Variants in DOC2A observed in about 807,000 individuals in gnomAD.
DOC2A encodes double C2-like domain-containing protein alpha.
DOC2A carries 28 observed loss-of-function variants against 40.6 expected under a neutral mutation model. The ratio of observed to expected loss-of-function variants is 0.69; its 90% confidence interval spans 0.51 to 0.95. The LOEUF (loss-of-function observed/expected upper bound fraction) is 0.95, where lower values mean the gene tolerates loss of function less well. Ranked by LOEUF, DOC2A falls within the 40% of genes least tolerant of loss-of-function variation. DOC2A has a pLI of 0.00. For missense variants in DOC2A, 474 were observed against 552.5 expected, an observed-to-expected ratio of 0.86 and a Z score of 1.42; for synonymous variants, 241 against 236.9, an observed-to-expected ratio of 1.02 and a Z score of -0.16.
chr16:30,017,985 A>G (rs961116474), intron 1 of DOC2A, among the ~76,000 whole-genome samples: 1 of 143,992 alleles, frequency 6.9e-6, no homozygotes, highest in African/African-American at 2.6e-5. Context: ...AAAAGAAAGA[A>G]AAGAAAATTG....
At chr16:30,016,483 G>C (rs1179037393), upstream of DOC2A, among the ~76,000 whole-genome samples, 1 of 152,192 alleles carries the variant, frequency 6.6e-6, no homozygotes, top group East Asian at 1.9e-4. Flanking sequence ...TGACCTGGGC[G>C]CAGGGGGCCT....
At chr16:30,011,629 G>C (rs923382416), upstream of DOC2A, 1 of 155,194 alleles carries the variant, frequency 6.4e-6, no homozygotes, top group African/African-American at 2.4e-5. Context: ...GGGACCCACA[G>C]GTTGACAGGA....
chr16:30,010,890 C>T lies in DOC2A; in HGVS notation c.-14+13G>A, dbSNP rs1164217216. ...CCCTCACGCCCCCGGCCTGCCCAGC[C>T]CCCTGCACCTGCCTCTGCCTCCAAC... On this transcript the variant is annotated intron_variant, in intron 1 of 10. Coordinates refer to ENST00000350119, the MANE Select transcript of DOC2A (RefSeq NM_003586.3). The surrounding 1 kb of genome is among the most constrained non-coding windows in gnomAD (Gnocchi z 4.2). The T allele has an allele frequency of 2.0e-6, 2 of 1,020,234 alleles. No individual in the cohort carries two copies. The highest frequency in any genetic ancestry group is 3.3e-5 in the South Asian group (1 of 30,492). The allele number at this position is 1,020,234 out of a possible 1,614,324, so 63.2% of individuals were successfully genotyped here.
upstream of DOC2A, among the ~76,000 whole-genome samples, chr16:30,012,867 G>A (rs1168522682): frequency 2.0e-5 from 3 of 151,124 alleles, no homozygotes; most frequent in East Asian, 1.9e-4. Flanking sequence ...AATGCCGGGC[G>A]TGGTGGTATG....
intron 1 of DOC2A, chr16:30,018,975 G>C (rs2070885064): frequency 6.6e-6 from 1 of 152,236 alleles, no homozygotes; most frequent in Non-Finnish European, 1.5e-5. Flanking sequence ...TTGTGGACTT[G>C]ATCAAAGCAG....
At position 30,009,445 on chromosome 16, in the gene DOC2A, C is replaced by A; in HGVS notation, c.342+33G>T. ...CCCCCTCTGGGGGCTGCACGCAAAC[C>A]GGGCCCGGGCTTGGGTGGCAGGGAG... On this transcript the variant is annotated intron_variant, in intron 3 of 10. Transcript: ENST00000350119. This position sits in a 1 kb window ranked among gnomAD's most constrained non-coding sequence, Gnocchi z 4.1. 6.5e-7 allele frequency: 1 copy of A among 1,548,912 alleles called. No individual in the cohort carries two copies. Among genetic ancestry groups the A allele is most frequent in the Non-Finnish European group, 8.7e-7 (1 of 1,145,192 alleles).
intron 5 of DOC2A, chr16:30,008,698 G>A (rs1382469753): frequency 3.3e-5 from 12 of 368,552 alleles, no homozygotes; most frequent in Non-Finnish European, 4.7e-5. Flanking sequence ...AGAGACGGGG[G>A]TTTCACCAAG....
chr16:30,010,158 CACACGTTGATGG>C lies in DOC2A; in HGVS notation c.53_64del (p.Ala18_Cys22delinsGly). On this transcript the variant is annotated inframe_deletion, in exon 2 of 11. Transcript: ENST00000350119. This position sits in a 1 kb window ranked among gnomAD's most constrained non-coding sequence, Gnocchi z 4.2. ...GCGGATGGGCCGGATGGGCCCGGGG[CACACGTTGATGG>C]CCATGTGCTCCTGGATGTTGATGGT... 1 of 1,614,002 alleles carries C rather than the reference CACACGTTGATGG, an allele frequency of 6.2e-7. No individual in the cohort carries two copies.
rs774811229 is a variant in DOC2A at position 30,009,964 on chromosome 16, C to G, written c.259G>C (p.Ala87Pro). 6.2e-7 allele frequency: 1 copy of G among 1,611,360 alleles called. No homozygotes were observed. Among genetic ancestry groups the G allele is most frequent in the South Asian group, 1.1e-5 (1 of 91,002 alleles). The change falls in exon 2 of 11, where the codon GCC becomes CCC. Residue 87 changes from alanine to proline, a missense_variant. Transcript: ENST00000350119. This position sits in a 1 kb window ranked among gnomAD's most constrained non-coding sequence, Gnocchi z 4.1. ...GCCTCCAAGCCCCCAGACTCACTGG[C>G]ATCATCCGAGTCATAGCTGTCCACC... Reference protein sequence around the residue: ...AEVDSYDSDDATALGTLEFDL... With the variant: ...AEVDSYDSDDPTALGTLEFDL...
In DOC2A at chr16:30,009,958, C is replaced by T; in HGVS notation, c.262+3G>A. 1 of 1,611,210 alleles carries T rather than the reference C, an allele frequency of 6.2e-7. No individual in the cohort carries two copies. The highest frequency in any genetic ancestry group is 1.3e-5 in the African/African-American group (1 of 74,948). On this transcript the variant is annotated splice_donor_region_variant and intron_variant, in intron 2 of 10. Coordinates refer to ENST00000350119, the MANE Select transcript of DOC2A (RefSeq NM_003586.3). This position sits in a 1 kb window ranked among gnomAD's most constrained non-coding sequence, Gnocchi z 4.1. ...CATGGGGCCTCCAAGCCCCCAGACT[C>T]ACTGGCATCATCCGAGTCATAGCTG... is the stretch of plus-strand genomic sequence containing the variant.
chr16:30,017,028 T>C (rs1400203558), upstream of DOC2A, among the ~76,000 whole-genome samples: 3 of 151,870 alleles, frequency 2.0e-5, no homozygotes, highest in African/African-American at 7.3e-5. Context: ...TAGGCAGAGG[T>C]GTGTGCCAAA....
chr16:30,015,250 A>C (rs923734608), upstream of DOC2A: 1 of 152,246 alleles, frequency 6.6e-6, no homozygotes, highest in Non-Finnish European at 1.5e-5. Flanking sequence ...TTTGTGCCAC[A>C]TGCATAGGTT....
At chr16:30,017,106 C>T (rs749522583), upstream of DOC2A, among the ~76,000 whole-genome samples, 15 of 151,824 alleles carry the variant, frequency 9.9e-5, no homozygotes, top group East Asian at 1.9e-4. Flanking sequence ...GTCAACATGA[C>T]GAAACCCTGT....
At chr16:30,011,686 G>A (rs1196996887), upstream of DOC2A, 2 of 152,130 alleles carry the variant, frequency 1.3e-5, no homozygotes, top group Non-Finnish European at 2.9e-5. Flanking sequence ...GGGGTCTCCC[G>A]AGCCAGGCTG....
chr16:30,009,378 G>GCAGGA lies in DOC2A; in HGVS notation c.342+95_342+99dup. ...AGGAGCCCAGAAGGAGGGGGCAAGG[G>GCAGGA]CAGGACGAAGGAGCAGGCCTGGGAA... On this transcript the variant is annotated intron_variant, in intron 3 of 10. Transcript: ENST00000350119. The surrounding 1 kb of genome is among the most constrained non-coding windows in gnomAD (Gnocchi z 4.1). 1 of 1,488,280 alleles carries GCAGGA rather than the reference G, an allele frequency of 6.7e-7. No individual in the cohort carries two copies. The highest frequency in any genetic ancestry group is 1.2e-5 in the South Asian group (1 of 82,844). 92.2% of individuals were successfully genotyped at this position (1,488,280 alleles called of 1,614,324 possible).
rs1407913275 is a variant in DOC2A, at chr16:30,006,371, C to T, written c.1058-40G>A. 1.9e-6 allele frequency: 3 copies of T among 1,613,170 alleles called. No individual in the cohort carries two copies. The East Asian group carries it at 6.7e-5, about 36-fold the overall frequency. On this transcript the variant is annotated intron_variant, in intron 10 of 10. Coordinates refer to ENST00000350119, the MANE Select transcript of DOC2A (RefSeq NM_003586.3). The surrounding 1 kb of genome is among the most constrained non-coding windows in gnomAD (Gnocchi z 6.2). Reference sequence around the variant, plus strand: ...GGCAGGGTCAGGGCCACCTCCCTGCCACTTGCCCGCCCTCAACACCCGCAG... The same window carrying T: ...GGCAGGGTCAGGGCCACCTCCCTGCTACTTGCCCGCCCTCAACACCCGCAG...
At chr16:30,018,374 G>A (rs2070878208) in intron 1 of DOC2A, among the ~76,000 whole-genome samples, 1 of 151,944 alleles carries the variant, frequency 6.6e-6, no homozygotes, top group Non-Finnish European at 1.5e-5. Context: ...AGCTTGGAGT[G>A]TAGCAGCACG....
Position 30,006,901 on chromosome 16 carries a change from G to A in DOC2A, c.762C>T (p.Arg254=). The A allele has an allele frequency of 1.2e-6, 2 of 1,613,200 alleles. No individual in the cohort carries two copies. The highest frequency in any genetic ancestry group is 1.7e-6 in the Non-Finnish European group (2 of 1,179,610). The change falls in exon 8 of 11, where the codon CGC becomes CGT. Residue 254 remains arginine, a synonymous_variant. Transcript: ENST00000350119. This position sits in a 1 kb window ranked among gnomAD's most constrained non-coding sequence, Gnocchi z 6.2. ...QGQGLLEERG[R]ILLSLSYSSR... ...AGCTGTAGCTGAGACTCAGCAGGAT[G>A]CGGCCACGCTCCTCCAGCAGCCCCT...
Position 30,007,269 on chromosome 16 carries a change from A to C in DOC2A, c.558T>G (p.Ser186Arg). ...GGATCTCCCCAATAAACTCATTGTGACTCAGCTTGTCCTCATCACAGACGG... is the reference window on the plus strand; with the variant it reads ...GGATCTCCCCAATAAACTCATTGTGCCTCAGCTTGTCCTCATCACAGACGG... ...RIAVCDEDKLSHNEFIGEIRV... is the reference protein window; with the variant it reads ...RIAVCDEDKLRHNEFIGEIRV... Residue 186 changes from serine to arginine, a missense_variant, in exon 6 of 11, where the codon AGT becomes AGG. Transcript: ENST00000350119. The C allele has an allele frequency of 6.2e-7, 1 of 1,613,938 alleles. No homozygotes were observed. Among genetic ancestry groups the C allele is most frequent in the Non-Finnish European group, 8.5e-7 (1 of 1,180,034 alleles).
Sources: allele counts gnomAD v4.1 joint callset (sites outside exome capture counted in the v4.1 genomes callset), GRCh38; gene constraint gnomAD v4.1.1; non-coding constraint Gnocchi (gnomAD v3.1); transcripts MANE v1.5; gene names NCBI Gene and HGNC (gene_info 2026-07-23, HGNC 2026-07-21).